Variants in LMAN1 observed in about 807,000 individuals in gnomAD.
LMAN1 encodes protein ERGIC-53.
In LMAN1, 32 loss-of-function variants were observed where a neutral mutation model predicts 67.8. That is an observed-to-expected ratio of 0.47 (90% CI 0.36 to 0.63). The LOEUF (loss-of-function observed/expected upper bound fraction) is 0.63, where lower values mean the gene tolerates loss of function less well. Among genes scored for constraint, LMAN1 ranks in the 30% least tolerant of loss-of-function variants. The pLI, the probability that LMAN1 is intolerant of heterozygous loss-of-function variation, is 0.00. For synonymous variants in LMAN1, 235 were observed against 219.3 expected (o/e 1.07, Z -0.63); for missense variants, 632 against 628.2 (o/e 1.01, Z -0.06).
At chr18:59,350,657 G>A (rs1484771635) in intron 5 of LMAN1, among the ~76,000 whole-genome samples, 1 of 152,072 alleles carries the variant, frequency 6.6e-6, no homozygotes, top group African/African-American at 2.4e-5. Context: ...ACAAAGCCTG[G>A]CTAATTTTTT....
chr18:59,355,302 A>T lies in LMAN1; in HGVS notation c.477+11T>A. ...TATTAAAGTGGATAACAGTCCTGACAATAAATATACCTTTCCATCATTGTC... is the reference window on the plus strand; with the variant it reads ...TATTAAAGTGGATAACAGTCCTGACTATAAATATACCTTTCCATCATTGTC... On this transcript the variant is annotated intron_variant, in intron 3 of 12. Coordinates refer to ENST00000251047, the MANE Select transcript of LMAN1 (RefSeq NM_005570.4). 6.3e-7 allele frequency: 1 copy of T among 1,589,554 alleles called. No homozygotes were observed. Among genetic ancestry groups the T allele is most frequent in the Non-Finnish European group, 8.6e-7 (1 of 1,159,390 alleles).
At chr18:59,337,562 T>C (rs1908187428) in intron 10 of LMAN1, among the ~76,000 whole-genome samples, 1 of 152,208 alleles carries the variant, frequency 6.6e-6, no homozygotes, top group Non-Finnish European at 1.5e-5. Context: ...CTGTAGCTTC[T>C]GAGGTCTAAA....
intron 10 of LMAN1, among the ~76,000 whole-genome samples, chr18:59,337,902 G>C (rs1220227473): frequency 6.6e-6 from 1 of 152,086 alleles, no homozygotes; most frequent in African/African-American, 2.4e-5. Flanking sequence ...CTATCGGTTG[G>C]GACAGTGCTC....
At chr18:59,343,025 A>C (rs1472089359) in intron 8 of LMAN1, among the ~76,000 whole-genome samples, 1 of 150,966 alleles carries the variant, frequency 6.6e-6, no homozygotes, top group Non-Finnish European at 1.5e-5. Context: ...AGCAGACCAA[A>C]TCTAGAAGGC....
chr18:59,349,983 A>C (rs1434548301), intron 5 of LMAN1, among the ~76,000 whole-genome samples: 1 of 152,168 alleles, frequency 6.6e-6, no homozygotes, highest in Non-Finnish European at 1.5e-5. Flanking sequence ...ACTGAGGTTC[A>C]GGGTGGTTGC....
intron 4 of LMAN1, among the ~76,000 whole-genome samples, chr18:59,353,877 C>T (rs977152109): frequency 1.1e-4 from 17 of 152,096 alleles, no homozygotes; most frequent in Non-Finnish European, 2.4e-4. Flanking sequence ...TGTACATATC[C>T]TCTTGTATAC....
At chr18:59,357,045 A>T (rs889206685) in intron 1 of LMAN1, among the ~76,000 whole-genome samples, 27 of 152,182 alleles carry the variant, frequency 1.8e-4, no homozygotes, top group Non-Finnish European at 2.9e-5. Context: ...TTTTAAAGTA[A>T]TGAATTGCAG....
rs1908153229 is a variant in LMAN1 at position 59,336,599 on chromosome 18, C to T, written c.1220+1958G>A. ...GGGAATTATTTCGAAATATAAACAT[C>T]GGGGCCAGGCGTGGTGGCTCACGCC... On this transcript the variant is annotated intron_variant, in intron 10 of 12. Transcript: ENST00000251047. Among the ~76,000 whole-genome samples the T allele has an allele frequency of 3.3e-5, 5 of 152,236 alleles. No homozygotes were observed. In the South Asian group the frequency reaches 6.2e-4, roughly 19 times the overall value.
intron 10 of LMAN1, among the ~76,000 whole-genome samples, chr18:59,337,713 C>T (rs1908190922): frequency 6.6e-6 from 1 of 152,094 alleles, no homozygotes. Flanking sequence ...ATCATGAGTT[C>T]AGATTATGAA....
At chr18:59,340,846 T>C (rs1373451989) in intron 8 of LMAN1, among the ~76,000 whole-genome samples, 1 of 151,864 alleles carries the variant, frequency 6.6e-6, no homozygotes, top group Non-Finnish European at 1.5e-5. Context: ...TAATGAACAA[T>C]ATGACAAGAA....
At chr18:59,357,143 T>C (rs1000940092) in intron 1 of LMAN1, among the ~76,000 whole-genome samples, 8 of 152,224 alleles carry the variant, frequency 5.3e-5, no homozygotes, top group Admixed American at 1.3e-4. Flanking sequence ...GGGATGTCTA[T>C]AGCAGAGATT....
chr18:59,355,601 C>A lies in LMAN1; in HGVS notation c.272G>T (p.Gly91Val), dbSNP rs1034394584. 1 of 1,614,086 alleles carries A rather than the reference C, an allele frequency of 6.2e-7. No individual in the cohort carries two copies. The highest frequency in any genetic ancestry group is 8.5e-7 in the Non-Finnish European group (1 of 1,179,966). ...RVAPSLKSQR[G>V]SVWTKTKAAF... Reference sequence around the variant, plus strand: ...CGCTTTTGTCTTTGTCCACACTGAGCCTCTTTGGCTTTTTAAAGATGGTGC... The same window carrying A: ...CGCTTTTGTCTTTGTCCACACTGAGACTCTTTGGCTTTTTAAAGATGGTGC... The change falls in exon 2 of 13, where the codon GGC becomes GTC. Residue 91 changes from glycine (G) to valine (V), a missense_variant. Transcript: ENST00000251047.
In LMAN1 at chr18:59,330,931, G is replaced by C; in HGVS notation, c.*162C>G. On this transcript the variant is annotated 3_prime_UTR_variant, in exon 13 of 13. Coordinates refer to ENST00000251047, the MANE Select transcript of LMAN1 (RefSeq NM_005570.4). ...ACTGTGAACAAATTAAAATGTGGTT[G>C]TCTTTGCTTTAAGGTTTATTCTTAA... is the stretch of plus-strand genomic sequence containing the variant. 1.6e-6 allele frequency: 1 copy of C among 622,446 alleles called. No homozygotes were observed. Among genetic ancestry groups the C allele is most frequent in the Non-Finnish European group, 2.9e-6 (1 of 348,774 alleles). The allele number at this position is 622,446 out of a possible 1,614,324, so 38.6% of individuals were successfully genotyped here. A position where few individuals can be genotyped will look rare whatever the true frequency, so the allele number is the denominator to read the frequency against.
rs1376100427 is a variant in LMAN1, at chr18:59,330,220, T to C, written c.*873A>G. ...AGAATGTAGTGGCAGGTTTTGTGAA[T>C]TTAAATCCTCAGATCATGCAATTTG... On this transcript the variant is annotated 3_prime_UTR_variant, in exon 13 of 13. Coordinates refer to ENST00000251047, the MANE Select transcript of LMAN1 (RefSeq NM_005570.4). The C allele has an allele frequency of 1.3e-5, 2 of 152,616 alleles. No individual in the cohort carries two copies. The highest frequency in any genetic ancestry group is 2.9e-5 in the Non-Finnish European group (2 of 68,012). The allele number at this position is 152,616 out of a possible 1,614,324, so 9.5% of individuals were successfully genotyped here.
rs771984134 is a variant in LMAN1, at chr18:59,331,157, AAGAAG to A, written c.1497-33_1497-29del. 5.0e-6 allele frequency: 8 copies of A among 1,596,156 alleles called. No individual in the cohort carries two copies. The African/African-American group carries it at 1.1e-4, about 21-fold the overall frequency. On this transcript the variant is annotated intron_variant, in intron 12 of 12. Transcript: ENST00000251047. ...AATGAAAAAAAGAAACAAACACTTA[AAGAAG>A]TTCTATACGCTTAACTTTGGAAAGA... is the stretch of plus-strand genomic sequence containing the variant.
Position 59,338,820 on chromosome 18 carries a change from G to A in LMAN1, c.1089C>T (p.Val363=), listed in dbSNP as rs1280304197. The A allele has an allele frequency of 6.2e-7, 1 of 1,614,080 alleles. No homozygotes were observed. The highest frequency in any genetic ancestry group is 8.5e-7 in the Non-Finnish European group (1 of 1,180,010). The change falls in exon 9 of 13, where the codon GTC becomes GTT. Residue 363 remains valine, a synonymous_variant. Coordinates refer to ENST00000251047, the MANE Select transcript of LMAN1 (RefSeq NM_005570.4). ...DMILDEQRRY[V]SSLTEEISKR... The stretch of plus-strand genomic sequence containing the variant: ...TAGAGATTTCCTCTGTTAAGGAAGA[G>A]ACATATCTTCTCTGTTCATCAAGAA...
chr18:59,347,502 T>G lies in LMAN1; in HGVS notation c.822+11A>C. Reference sequence around the variant, plus strand: ...AACTGATAAAGTTTTTGAAAATATGTGTAAAATTACCGGCTCTTTTCCAGG... The same window carrying G: ...AACTGATAAAGTTTTTGAAAATATGGGTAAAATTACCGGCTCTTTTCCAGG... On this transcript the variant is annotated intron_variant, in intron 7 of 12. Coordinates refer to ENST00000251047, the MANE Select transcript of LMAN1 (RefSeq NM_005570.4). 1.2e-6 allele frequency: 2 copies of G among 1,601,604 alleles called. No homozygotes were observed. The highest frequency in any genetic ancestry group is 1.7e-6 in the Non-Finnish European group (2 of 1,170,442).
At chr18:59,343,199 A>G (rs778292282) in intron 8 of LMAN1, among the ~76,000 whole-genome samples, 1 of 152,080 alleles carries the variant, frequency 6.6e-6, no homozygotes, top group Non-Finnish European at 1.5e-5. Flanking sequence ...TGGAAGAATC[A>G]ATATTGTTAA....
chr18:59,352,874 T>C (rs992829260), intron 5 of LMAN1: 18 of 351,762 alleles, frequency 5.1e-5, no homozygotes, highest in Non-Finnish European at 9.4e-5. Context: ...GTCTTACTCA[T>C]ATTTGTATCC....
Sources: allele counts gnomAD v4.1 joint callset (sites outside exome capture counted in the v4.1 genomes callset), GRCh38; gene constraint gnomAD v4.1.1; transcripts MANE v1.5; gene names NCBI Gene and HGNC (gene_info 2026-07-23, HGNC 2026-07-21).